The following ZCCHC2 variants were observed in gnomAD, a reference collection of about 807,000 sequenced individuals.
ZCCHC2 encodes zinc finger CCHC domain-containing protein 2.
Under a neutral mutation model 103.6 loss-of-function variants are expected in ZCCHC2, and 39 were observed. The observed-to-expected ratio is 0.38, with a 90% CI of 0.29 to 0.49. The LOEUF (loss-of-function observed/expected upper bound fraction) is 0.49, where lower values mean the gene tolerates loss of function less well. Among genes scored for constraint, ZCCHC2 ranks in the 20% least tolerant of loss-of-function variants. The pLI is 0.96. For synonymous variants in ZCCHC2, 687 were observed against 608.9 expected (o/e 1.13, Z -1.89); for missense variants, 1,483 against 1,491.0 (o/e 0.99, Z 0.09).
intron 3 of ZCCHC2, 100 bp downstream of exon 3, chr18:62,542,674 T>C (rs1915251654): frequency 9.8e-7 from 1 of 1,016,556 alleles, no homozygotes; most frequent in Non-Finnish European, 1.5e-6. Flanking sequence ...AAGGTATATA[T>C]GTTTGTTTTT....
intron 4 of ZCCHC2, among the ~76,000 whole-genome samples, chr18:62,545,787 G>A (rs1321796126): frequency 1.3e-5 from 2 of 152,160 alleles, no homozygotes; most frequent in Non-Finnish European, 1.5e-5. Context: ...TATAACATAC[G>A]ATATTATGAG....
chr18:62,566,008 G>T (rs983494788), intron 11 of ZCCHC2, among the ~76,000 whole-genome samples: 1 of 152,162 alleles, frequency 6.6e-6, no homozygotes, highest in Non-Finnish European at 1.5e-5. Flanking sequence ...ACTTTGAGAG[G>T]CCAAGGTGAG....
At chr18:62,563,920 C>T (rs1338700109) in intron 9 of ZCCHC2, among the ~76,000 whole-genome samples, 1 of 152,116 alleles carries the variant, frequency 6.6e-6, no homozygotes, top group Non-Finnish European at 1.5e-5. Context: ...GAGCAGAATG[C>T]TGTTAAGTAT....
intron 6 of ZCCHC2, 40 bp downstream of exon 6, chr18:62,556,337 TG>T (rs755491421): frequency 6.8e-7 from 1 of 1,473,066 alleles, no homozygotes; most frequent in Non-Finnish European, 9.2e-7. Context: ...CTTTTTTCTT[TG>T]TTGGATTTTA....
chr18:62,566,124 A>G (rs1317203654), intron 11 of ZCCHC2, among the ~76,000 whole-genome samples: 1 of 152,182 alleles, frequency 6.6e-6, no homozygotes, highest in Non-Finnish European at 1.5e-5. Flanking sequence ...ACATGCCTGT[A>G]ATCTCAGCTA....
chr18:62,563,267 G>T, intron 9 of ZCCHC2, 123 bp downstream of exon 9: 1 of 1,206,018 alleles, frequency 8.3e-7, no homozygotes, highest in Non-Finnish European at 1.1e-6. Context: ...GAATGTTTAA[G>T]TTTTAGACTT....
At position 62,550,372 on chromosome 18, in the gene ZCCHC2, A is replaced by T. The variant is rs1308075601; in HGVS notation, c.1225A>T (p.Thr409Ser). 5.6e-6 allele frequency: 9 copies of T among 1,613,554 alleles called. No homozygotes were observed. The highest frequency in any genetic ancestry group is 7.6e-6 in the Non-Finnish European group (9 of 1,179,802). Residue 409 changes from threonine to serine, a missense_variant, in exon 5 of 14, where the codon ACT becomes TCT. By Grantham distance (58) the Thr-to-Ser change is moderately conservative. Transcript: ENST00000269499. ...GCTTCCAAAGGAACTGTCTTCAGAG[A>T]CTTTTGACAAGACCATCTTAAGAGC... Reference protein sequence around the residue: ...LKLPKELSSETFDKTILRALN... With the variant: ...LKLPKELSSESFDKTILRALN...
At chr18:62,568,338 G>A (rs990597018) in intron 11 of ZCCHC2, among the ~76,000 whole-genome samples, 3 of 152,104 alleles carry the variant, frequency 2.0e-5, no homozygotes, top group South Asian at 4.1e-4. Flanking sequence ...GTATCCTTTG[G>A]CATAATTGGT....
Position 62,523,452 on chromosome 18 carries a change from C to T in ZCCHC2, c.28C>T (p.Pro10Ser). 1 of 1,102,330 alleles carries T rather than the reference C, an allele frequency of 9.1e-7. No homozygotes were observed. The highest frequency in any genetic ancestry group is 1.1e-6 in the Non-Finnish European group (1 of 892,300). The allele number at this position is 1,102,330 out of a possible 1,614,324, so 68.3% of individuals were successfully genotyped here. The change falls in exon 1 of 14, where the codon CCA (proline) becomes TCA (serine). Residue 10 changes from proline to serine, a missense_variant. By Grantham distance (74) the Pro-to-Ser change is moderately conservative. Transcript: ENST00000269499. MLRMKLPLK[P>S]THPAEPPPEA... is the part of the protein sequence containing the mutation. ...GCTGAGGATGAAGCTGCCGCTGAAGCCAACGCACCCCGCGGAGCCGCCGCC... is the reference window on the plus strand; with the variant it reads ...GCTGAGGATGAAGCTGCCGCTGAAGTCAACGCACCCCGCGGAGCCGCCGCC...
intron 9 of ZCCHC2, among the ~76,000 whole-genome samples, chr18:62,564,200 C>A (rs1204038951): frequency 6.6e-6 from 1 of 152,176 alleles, no homozygotes; most frequent in Non-Finnish European, 1.5e-5. Context: ...GTGCCTGCAC[C>A]CTCTCTTCTT....
At chr18:62,556,157 T>G (rs1915874760) in intron 5 of ZCCHC2, 46 bp from the exon 6 acceptor site, 1 of 1,477,414 alleles carries the variant, frequency 6.8e-7, no homozygotes, top group East Asian at 2.4e-5. Flanking sequence ...TTCTTGTGGA[T>G]TAACATTACC....
chr18:62,542,015 T>C (rs1244353131), intron 2 of ZCCHC2, among the ~76,000 whole-genome samples: 1 of 152,216 alleles, frequency 6.6e-6, no homozygotes, highest in Non-Finnish European at 1.5e-5. Flanking sequence ...ATTCCTCAGC[T>C]TGGTATATTA....
chr18:62,537,298 G>A (rs1462568591), intron 1 of ZCCHC2, among the ~76,000 whole-genome samples: 2 of 151,802 alleles, frequency 1.3e-5, no homozygotes, highest in Admixed American at 1.3e-4. Flanking sequence ...CCCATCTAAC[G>A]AGGACTACAG....
chr18:62,558,659 A>G (rs1018167080), intron 6 of ZCCHC2, 28 bp from the exon 7 acceptor site: 3 of 1,296,458 alleles, frequency 2.3e-6, no homozygotes, highest in Admixed American at 3.0e-5. Flanking sequence ...TTTCCTAAAA[A>G]GTTAATAGTA....
chr18:62,530,941 C>T (rs1914647369), intron 1 of ZCCHC2, among the ~76,000 whole-genome samples: 1 of 152,134 alleles, frequency 6.6e-6, no homozygotes, highest in Non-Finnish European at 1.5e-5. Flanking sequence ...TTTGTTAGTT[C>T]AGAGCACAGA....
At chr18:62,547,384 G>A (rs1315936209) in intron 4 of ZCCHC2, among the ~76,000 whole-genome samples, 6 of 150,736 alleles carry the variant, frequency 4.0e-5, no homozygotes, top group Non-Finnish European at 5.9e-5. Flanking sequence ...GTGTCCAAAC[G>A]AACACCCTTT....
At chr18:62,547,326 A>AC (rs34482252) in intron 4 of ZCCHC2, among the ~76,000 whole-genome samples, 4 of 24,304 alleles carry the variant, frequency 1.6e-4, no homozygotes, top group African/African-American at 1.1e-3. Context: ...ACTCCATCTT[A>AC]AAAAAAAAAA....
chr18:62,523,139 C>G lies in ZCCHC2; in HGVS notation c.-286C>G, dbSNP rs1028474164. 11 of 152,592 alleles carry G rather than the reference C, an allele frequency of 7.2e-5. No homozygotes were observed. The highest frequency in any genetic ancestry group is 2.7e-4 in the African/African-American group (11 of 41,442). 9.5% of individuals were successfully genotyped at this position (152,592 alleles called of 1,614,324 possible). A position where few individuals can be genotyped will look rare whatever the true frequency, so the allele number is the denominator to read the frequency against. Reference sequence around the variant, plus strand: ...GGGAGGCGGAAGGAGGACACCCTCGCTCGCTTGCTCCCACCCGCACCCGGG... The same window carrying G: ...GGGAGGCGGAAGGAGGACACCCTCGGTCGCTTGCTCCCACCCGCACCCGGG... On this transcript the variant is annotated 5_prime_UTR_variant, in exon 1 of 14. Coordinates refer to ENST00000269499, the MANE Select transcript of ZCCHC2 (RefSeq NM_017742.6).
chr18:62,569,363 C>T (rs1000785648), intron 11 of ZCCHC2, among the ~76,000 whole-genome samples: 15 of 152,106 alleles, frequency 9.9e-5, no homozygotes, highest in African/African-American at 3.6e-4. Flanking sequence ...ATCTATAGTT[C>T]TTAAGAAGCC....
Sources: allele counts gnomAD v4.1 joint callset (sites outside exome capture counted in the v4.1 genomes callset), GRCh38; gene constraint gnomAD v4.1.1; transcripts MANE v1.5; gene names NCBI Gene and HGNC (gene_info 2026-07-23, HGNC 2026-07-21).